ITGAE: variants seen among roughly 807,000 people sequenced by gnomAD.
The protein encoded by ITGAE is integrin subunit alpha E.
In ITGAE, 99 loss-of-function variants were observed where a neutral mutation model predicts 136.5. The observed-to-expected ratio is 0.73, with a 90% CI of 0.62 to 0.86. The LOEUF is 0.86. ITGAE is among the 40% of genes least tolerant of loss of function. ITGAE has a pLI of 0.00. For synonymous variants in ITGAE, 613 were observed against 591.8 expected, an observed-to-expected ratio of 1.04 and a Z score of -0.52; for missense variants, 1,447 against 1,515.3, an observed-to-expected ratio of 0.95 and a Z score of 0.75.
In ITGAE at chr17:3,755,164, G is replaced by A. The variant is rs759302480; in HGVS notation, c.1337C>T (p.Thr446Ile). The A allele has an allele frequency of 3.9e-6, 6 of 1,540,942 alleles. No homozygotes were observed. In the South Asian group the frequency reaches 6.9e-5, roughly 18 times the overall value. The stretch of plus-strand genomic sequence containing the variant: ...CTCCGCGTCTGCCGCCGCCGCCGCT[G>A]TCTGGTTCAGGAAGCGGCCCCGGCG... ...RSRRGRFLNQ[T>I]AAAAADAEAA... The change falls in exon 12 of 31, where the codon ACA becomes ATA. Residue 446 changes from threonine (T) to isoleucine (I), a missense_variant. Physicochemically the swap from Thr to Ile is moderately conservative, Grantham distance 89 (BLOSUM62 -1). Around this residue, in one of 3 missense-constraint regions of ITGAE, gnomAD observed 1,031 missense variants for 1,011.4 expected, o/e 1.02. Transcript: ENST00000263087.
chr17:3,715,066 C>A, intron 30 of ITGAE, 124 bp from the exon 31 acceptor site: 1 of 621,144 alleles, frequency 1.6e-6, no homozygotes, highest in South Asian at 1.9e-5. Context: ...TTACTACTCC[C>A]TTCTCCTAAC....
rs770320635 is a variant in ITGAE at position 3,725,294 on chromosome 17, A to C, written c.3085-1550T>G. On this transcript the variant is annotated intron_variant, in intron 26 of 30. Transcript: ENST00000263087. ...GCCCCTTAAACACTCTAAGTATTTC[A>C]AACAAAAAGGCATCTGATGCTGAAA... The C allele has an allele frequency of 2.5e-6, 4 of 1,614,184 alleles. No homozygotes were observed. In the East Asian group the frequency reaches 6.7e-5, roughly 27 times the overall value.
chr17:3,719,084 AAATT>A (rs1014417763), intron 29 of ITGAE, among the ~76,000 whole-genome samples: 1 of 146,914 alleles, frequency 6.8e-6, no homozygotes, highest in African/African-American at 2.7e-5. Context: ...AAAAATAAAT[AAATT>A]AGCCAGGCAT....
At chr17:3,788,533 C>A in intron 1 of ITGAE, among the ~76,000 whole-genome samples, 2 of 135,624 alleles carry the variant, frequency 1.5e-5, no homozygotes, top group Admixed American at 8.4e-5. Flanking sequence ...CTCCTAGGTT[C>A]AGGTGATCCT....
intron 1 of ITGAE, among the ~76,000 whole-genome samples, chr17:3,794,875 G>A (rs982310996): frequency 4.6e-5 from 7 of 152,154 alleles, no homozygotes; most frequent in South Asian, 2.1e-4. Flanking sequence ...GAAAAGGCAC[G>A]AGTGGAGGCC....
At chr17:3,790,086 T>C (rs1358599521) in intron 1 of ITGAE, among the ~76,000 whole-genome samples, 1 of 152,110 alleles carries the variant, frequency 6.6e-6, no homozygotes, top group Admixed American at 6.5e-5. Context: ...TCCTTCTTGG[T>C]GTGACACTCT....
intron 19 of ITGAE, among the ~76,000 whole-genome samples, chr17:3,741,750 G>C (rs1041493263): frequency 5.3e-5 from 8 of 152,136 alleles, no homozygotes; most frequent in Non-Finnish European, 1.0e-4. Context: ...TACTGAGAAG[G>C]ACACACTTTA....
At chr17:3,772,142 C>T (rs1250683207) in intron 2 of ITGAE, among the ~76,000 whole-genome samples, 1 of 152,192 alleles carries the variant, frequency 6.6e-6, no homozygotes, top group East Asian at 1.9e-4. Flanking sequence ...ATCCCCTTCC[C>T]GTTCCTTCTC....
intron 2 of ITGAE, among the ~76,000 whole-genome samples, chr17:3,766,829 AATAATAAT>A (rs1252318331): frequency 6.8e-6 from 1 of 146,422 alleles, no homozygotes; most frequent in Non-Finnish European, 1.5e-5. Context: ...TAATAATAAT[AATAATAAT>A]AATAATAATA....
chr17:3,761,662 T>G (rs1298294770), intron 4 of ITGAE, 142 bp from the exon 5 acceptor site: 10 of 789,198 alleles, frequency 1.3e-5, no homozygotes, highest in Non-Finnish European at 1.4e-5. Context: ...CCTCACCGGG[T>G]GTAGGAGTCA....
intron 2 of ITGAE, among the ~76,000 whole-genome samples, chr17:3,764,848 C>T (rs940915902): frequency 6.6e-6 from 1 of 152,134 alleles, no homozygotes; most frequent in Non-Finnish European, 1.5e-5. Flanking sequence ...GGGACAGCCT[C>T]AACATTCTCA....
At chr17:3,764,391 G>C (rs1457056647) in intron 2 of ITGAE, among the ~76,000 whole-genome samples, 1 of 152,166 alleles carries the variant, frequency 6.6e-6, no homozygotes, top group African/African-American at 2.4e-5. Flanking sequence ...TATCCTGTGG[G>C]TCAGTCAGAA....
intron 1 of ITGAE, among the ~76,000 whole-genome samples, chr17:3,778,745 C>T (rs1418545872): frequency 6.6e-6 from 1 of 152,096 alleles, no homozygotes; most frequent in Non-Finnish European, 1.5e-5. Context: ...TTTGGCCTTT[C>T]CATGAAGAAA....
chr17:3,780,179 T>C (rs2052633781), intron 1 of ITGAE, among the ~76,000 whole-genome samples: 2 of 150,748 alleles, frequency 1.3e-5, no homozygotes, highest in Admixed American at 6.6e-5. Context: ...TTGTTTTTTT[T>C]TTTTTTTTGG....
intron 26 of ITGAE, 93 bp from the exon 27 acceptor site, chr17:3,723,837 C>A (rs1276910012): frequency 3.0e-5 from 47 of 1,543,236 alleles, no homozygotes; most frequent in Admixed American, 1.2e-4. Flanking sequence ...GGTGCGCATG[C>A]GCAGGGCCGG....
intron 19 of ITGAE, among the ~76,000 whole-genome samples, chr17:3,740,715 A>G (rs1376699687): frequency 6.6e-6 from 1 of 152,184 alleles, no homozygotes; most frequent in African/African-American, 2.4e-5. Context: ...TCCCTTGCCT[A>G]CACATAATCG....
In ITGAE at chr17:3,737,016, G is replaced by A. The variant is rs149918920; in HGVS notation, c.2523-2067C>T. On this transcript the variant is annotated intron_variant, in intron 20 of 30. Transcript: ENST00000263087. The stretch of plus-strand genomic sequence containing the variant: ...AATAAGGAAACAGTAGTGGATGCCT[G>A]GACACGGTGGCTCACGCCTGTAATC... Among the ~76,000 whole-genome samples the A allele has an allele frequency of 4.6e-5, 7 of 152,182 alleles. No individual in the cohort carries two copies. In the East Asian group the frequency reaches 1.2e-3, roughly 25 times the overall value.
intron 1 of ITGAE, among the ~76,000 whole-genome samples, chr17:3,796,014 CAT>C (rs1287803766): frequency 2.5e-4 from 24 of 96,978 alleles, no homozygotes; most frequent in Non-Finnish European, 4.4e-4. Flanking sequence ...TGTGTGCATC[CAT>C]GTGCGCGTGT....
chr17:3,734,122 G>C (rs574459259), intron 21 of ITGAE, among the ~76,000 whole-genome samples: 2 of 152,344 alleles, frequency 1.3e-5, no homozygotes, highest in South Asian at 2.1e-4. Flanking sequence ...CCAGGCTGGA[G>C]TGCAGTGGCG....
Sources: gnomAD v4.1 joint callset for allele counts (sites outside exome capture counted in the v4.1 genomes callset) on GRCh38, gnomAD v4.1.1 for gene constraint, gnomAD v4.1.1 regional missense constraint, MANE v1.5 for transcripts, NCBI Gene and HGNC (gene_info 2026-07-23, HGNC 2026-07-21) for gene names.